Variants in TNRC6B observed in about 807,000 individuals in gnomAD.
TNRC6B encodes trinucleotide repeat-containing gene 6B protein.
A neutral mutation model predicts 203.6 loss-of-function variants in TNRC6B; 52 were observed. The observed-to-expected ratio is 0.26, with a 90% confidence interval of 0.20 to 0.32. TNRC6B has a LOEUF of 0.32. Ranked by LOEUF, TNRC6B falls within the 10% of genes least tolerant of loss-of-function variation. TNRC6B has a pLI of 1.00. For missense variants in TNRC6B, 1,923 were observed against 2,286.2 expected (o/e 0.84, Z 3.24); for synonymous variants, 838 against 845.7 (o/e 0.99, Z 0.16).
chr22:40,177,004 GACTT>G (rs997389757), upstream of TNRC6B, among the ~76,000 whole-genome samples: 12 of 152,194 alleles, frequency 7.9e-5, no homozygotes, highest in East Asian at 1.9e-4. Flanking sequence ...ATGGGTAAGG[GACTT>G]ACTTACTTGC....
intron 3 of TNRC6B, among the ~76,000 whole-genome samples, chr22:40,132,395 G>T (rs1211702060): frequency 6.6e-6 from 1 of 150,390 alleles, no homozygotes; most frequent in African/African-American, 2.5e-5. Flanking sequence ...GGGACGGGAC[G>T]GGACGGAGCC....
intron 1 of TNRC6B, chr22:40,045,394 G>C (rs1168340839): frequency 6.6e-6 from 1 of 151,034 alleles, no homozygotes; most frequent in Non-Finnish European, 1.5e-5. Context: ...TGTGAGCTGG[G>C]GGAGGGCTTC....
chr22:40,205,487 GTCC>G (rs1375419189), intron 1 of TNRC6B, among the ~76,000 whole-genome samples: 1 of 152,146 alleles, frequency 6.6e-6, no homozygotes, highest in African/African-American at 2.4e-5. Flanking sequence ...CTGTTGGTTT[GTCC>G]ATAGAAACAC....
At chr22:40,130,541 G>A (rs986457384) in intron 3 of TNRC6B, among the ~76,000 whole-genome samples, 5 of 151,976 alleles carry the variant, frequency 3.3e-5, no homozygotes, top group Non-Finnish European at 7.4e-5. Flanking sequence ...CAGCACTTTG[G>A]GAGGCCGAGG....
intron 12 of TNRC6B, among the ~76,000 whole-genome samples, chr22:40,297,606 G>A (rs961487479): frequency 6.6e-6 from 1 of 151,900 alleles, no homozygotes; most frequent in Non-Finnish European, 1.5e-5. Flanking sequence ...GGTGGATCAC[G>A]AGGTCAGGAG....
chr22:40,275,441 C>T (rs1354661212), intron 7 of TNRC6B, among the ~76,000 whole-genome samples: 1 of 151,974 alleles, frequency 6.6e-6, no homozygotes, highest in Admixed American at 6.6e-5. Context: ...ATACCGAGGG[C>T]GTTTTTTTTA....
intron 1 of TNRC6B, among the ~76,000 whole-genome samples, chr22:40,075,154 A>ATTTTTTTTTTTTTTTTTTTTT (rs1181613595): frequency 1.6e-4 from 9 of 55,392 alleles, no homozygotes; most frequent in Admixed American, 2.2e-4. Context: ...ATATATATAT[A>ATTTTTTTTTTTTTTTTTTTTT]TATTTTTTTT....
At chr22:40,196,076 CT>C (rs11301805) in intron 1 of TNRC6B, among the ~76,000 whole-genome samples, 100,021 of 148,106 alleles carry the variant, frequency 0.68, 35,103 homozygotes, top group African/African-American at 0.89. Context: ...CGCGTCCAGC[CT>C]TTTTTTTTTT....
In TNRC6B at chr22:40,103,843, A is replaced by G. The variant is rs535911465; in HGVS notation, c.-120-13212A>G. 7.9e-5 allele frequency among the ~76,000 whole-genome samples: 12 copies of G among 151,630 alleles called. 2 individuals are homozygous for G. In the South Asian group the frequency reaches 2.1e-3, roughly 26 times the overall value. ...TTTTTAGTAGAGACAGGGTTTCGCC[A>G]TGTTGACCAGGCTGGTCTCAAACTC... On this transcript the variant is annotated intron_variant, in intron 1 of 23. Transcript: ENST00000301923.
In TNRC6B at chr22:40,265,513, C is replaced by G. The variant is rs758455090; in HGVS notation, c.1283C>G (p.Ala428Gly). The change falls in exon 5 of 23, where the codon GCT becomes GGT. Residue 428 changes from alanine (A) to glycine (G), a missense_variant. By Grantham distance (60) the Ala-to-Gly change is moderately conservative. This residue lies in a region of TNRC6B where 614 missense variants were observed against 587.7 expected (regional missense o/e 1.04). Coordinates refer to ENST00000454349, the MANE Select transcript of TNRC6B (RefSeq NM_001162501.2). ...GGGAGTGTTGGATCTTGGGGTGCAG[C>G]TAGGGGGCCTTCTGGAACTGACACA... ...KTGSVGSWGA[A>G]RGPSGTDTVS... is the part of the protein sequence containing the mutation. 1 of 1,613,834 alleles carries G rather than the reference C, an allele frequency of 6.2e-7. No individual in the cohort carries two copies. Among genetic ancestry groups the G allele is most frequent in the Non-Finnish European group, 8.5e-7 (1 of 1,179,810 alleles).
chr22:40,082,129 C>T (rs1005807871), intron 1 of TNRC6B, among the ~76,000 whole-genome samples: 2 of 152,066 alleles, frequency 1.3e-5, no homozygotes, highest in Non-Finnish European at 2.9e-5. Context: ...AAGTTTTGGG[C>T]TCATTCTACT....
intron 4 of TNRC6B, among the ~76,000 whole-genome samples, chr22:40,164,054 T>C (rs568227361): frequency 6.6e-6 from 1 of 152,186 alleles, no homozygotes; most frequent in Admixed American, 6.5e-5. Context: ...ACACTCACTT[T>C]GAAATCTGAG....
chr22:40,207,561 AG>A (rs2069498964), intron 1 of TNRC6B, among the ~76,000 whole-genome samples: 1 of 151,680 alleles, frequency 6.6e-6, no homozygotes, highest in Non-Finnish European at 1.5e-5. Context: ...AGCTAGGAGA[AG>A]ATATTTTCAG....
chr22:40,101,272 G>A (rs769893431), intron 1 of TNRC6B, among the ~76,000 whole-genome samples: 2 of 152,126 alleles, frequency 1.3e-5, no homozygotes, highest in Non-Finnish European at 2.9e-5. Flanking sequence ...GATTACAGGC[G>A]TGAGCCACCA....
At chr22:40,138,677 A>C (rs1401382458) in intron 3 of TNRC6B, among the ~76,000 whole-genome samples, 1 of 152,168 alleles carries the variant, frequency 6.6e-6, no homozygotes, top group Non-Finnish European at 1.5e-5. Context: ...GAGAGAGGAC[A>C]TCAAGATACG....
intron 1 of TNRC6B, among the ~76,000 whole-genome samples, chr22:40,204,187 G>A (rs2069449741): frequency 6.6e-6 from 1 of 152,176 alleles, no homozygotes; most frequent in African/African-American, 2.4e-5. Flanking sequence ...TATTTCATAA[G>A]CCATCTGTAC....
At chr22:40,275,175 G>A (rs182800322) in intron 7 of TNRC6B, among the ~76,000 whole-genome samples, 5 of 151,978 alleles carry the variant, frequency 3.3e-5, no homozygotes, top group Non-Finnish European at 2.9e-5. Context: ...AGTCACTTAC[G>A]GGTTTTCTTC....
chr22:40,192,080 G>A (rs537962216), intron 1 of TNRC6B, among the ~76,000 whole-genome samples: 23 of 152,148 alleles, frequency 1.5e-4, no homozygotes, highest in African/African-American at 5.3e-4. Flanking sequence ...GCCTGCTCCC[G>A]AACTCCTGAC....
rs2043992889 is a variant in TNRC6B at position 40,332,482 on chromosome 22, A to G, written c.*9241A>G. ...TGCTCTGGTCTAGGCATTATTTGCA[A>G]CACACAGTATCGTAAGCGAGAGATT... On this transcript the variant is annotated 3_prime_UTR_variant, in exon 23 of 23. Coordinates refer to ENST00000454349, the MANE Select transcript of TNRC6B (RefSeq NM_001162501.2). The G allele has an allele frequency of 6.6e-6, 1 of 152,652 alleles. No individual in the cohort carries two copies. The highest frequency in any genetic ancestry group is 1.5e-5 in the Non-Finnish European group (1 of 68,036). The allele number at this position is 152,652 out of a possible 1,614,324, so 9.5% of individuals were successfully genotyped here.
Sources: gnomAD v4.1 joint callset for allele counts (sites outside exome capture counted in the v4.1 genomes callset) on GRCh38, gnomAD v4.1.1 for gene constraint, gnomAD v4.1.1 regional missense constraint, MANE v1.5 for transcripts, NCBI Gene and HGNC (gene_info 2026-07-23, HGNC 2026-07-21) for gene names.